WWOX: variants seen among roughly 807,000 people sequenced by gnomAD.
WWOX encodes WW domain containing oxidoreductase.
Under a neutral mutation model 46.2 loss-of-function variants are expected in WWOX, and 69 were observed. The ratio of observed to expected loss-of-function variants is 1.49; its 90% CI spans 1.23 to 1.82. The LOEUF is 1.82. WWOX is among the 40% of genes most tolerant of loss of function. The pLI is 0.00. For missense variants in WWOX, 919 were observed against 542.6 expected (o/e 1.69, Z -6.89); for synonymous variants, 359 against 202.6 (o/e 1.77, Z -6.56).
At chr16:78,127,516 G>GAAAAAAAA (rs35507203) in intron 4 of WWOX, among the ~76,000 whole-genome samples, 1 of 122,368 alleles carries the variant, frequency 8.2e-6, no homozygotes, top group African/African-American at 3.0e-5. Flanking sequence ...ATAATCAACG[G>GAAAAAAAA]AAAAAAAAAA....
At chr16:78,584,501 A>T (rs1364175896) in intron 8 of WWOX, among the ~76,000 whole-genome samples, 1 of 152,222 alleles carries the variant, frequency 6.6e-6, no homozygotes, top group Non-Finnish European at 1.5e-5. Context: ...AAAGACAAGG[A>T]CTGTTCTAAG....
chr16:78,372,181 A>G (rs2081706532), intron 5 of WWOX, among the ~76,000 whole-genome samples: 1 of 152,200 alleles, frequency 6.6e-6, no homozygotes, highest in South Asian at 2.1e-4. Context: ...CATCTGGACA[A>G]CAAGTACCTT....
intron 8 of WWOX, among the ~76,000 whole-genome samples, chr16:78,743,071 A>G (rs2049269234): frequency 6.6e-6 from 1 of 151,756 alleles, no homozygotes; most frequent in African/African-American, 2.4e-5. Flanking sequence ...CAGGAAGTGA[A>G]CCCGATCAGC....
At chr16:78,801,804 G>C (rs78730287) in intron 8 of WWOX, among the ~76,000 whole-genome samples, 1,591 of 152,136 alleles carry the variant, frequency 0.01, 27 homozygotes, top group African/African-American at 0.036. Flanking sequence ...TTTTTTTTAG[G>C]AGATTAAAGC....
intron 6 of WWOX, among the ~76,000 whole-genome samples, chr16:78,388,362 C>G (rs575289156): frequency 1.2e-4 from 18 of 152,094 alleles, no homozygotes; most frequent in Non-Finnish European, 2.1e-4. Context: ...AAAGTTTGCT[C>G]TCAGCTGGGT....
In WWOX at chr16:78,533,411, TAA is replaced by T. The variant is rs11324963; in HGVS notation, c.1056+100672_1056+100673del. 4.4e-3 allele frequency among the ~76,000 whole-genome samples: 643 copies of T among 146,718 alleles called. 1 individual carries two copies. The highest frequency in any genetic ancestry group is 6.9e-3 in the Middle Eastern group (2 of 290). On this transcript the variant is annotated intron_variant, in intron 8 of 8. Coordinates refer to ENST00000566780, the MANE Select transcript of WWOX (RefSeq NM_016373.4). ...ACATAATATACAATTGTTGATGAGCTAAAAAAAAAAAAAATCCCCAAAAAATC... is the reference window on the plus strand; with the variant it reads ...ACATAATATACAATTGTTGATGAGCTAAAAAAAAAAAATCCCCAAAAAATC...
At chr16:78,621,224 T>G (rs74486373) in intron 8 of WWOX, among the ~76,000 whole-genome samples, 5,900 of 152,300 alleles carry the variant, frequency 0.039, 150 homozygotes, top group South Asian at 0.1. Flanking sequence ...AGAATAAGGC[T>G]GCCAAGCTCG....
At chr16:78,620,871 G>T (rs1394468613) in intron 8 of WWOX, among the ~76,000 whole-genome samples, 2 of 151,992 alleles carry the variant, frequency 1.3e-5, no homozygotes, top group African/African-American at 4.8e-5. Flanking sequence ...TCATGTCCAG[G>T]TCACTACGTA....
At chr16:78,967,373 T>G (rs1458645984) in intron 8 of WWOX, among the ~76,000 whole-genome samples, 1 of 124,394 alleles carries the variant, frequency 8.0e-6, no homozygotes, top group Non-Finnish European at 1.6e-5. Flanking sequence ...CACTGCAGCC[T>G]CCCGGGCTCA....
In WWOX at chr16:78,347,336, A is replaced by T. The variant is rs1225462474; in HGVS notation, c.517-39524A>T. ...TCCCAAGATTTCAGTCATCAAATCC[A>T]TTCCAATATGACTCCTGTATCCATA... On this transcript the variant is annotated intron_variant, in intron 5 of 8. Coordinates refer to ENST00000566780, the MANE Select transcript of WWOX (RefSeq NM_016373.4). Among the ~76,000 whole-genome samples the T allele has an allele frequency of 1.7e-5, 2 of 117,104 alleles. 1 individual carries two copies. Among genetic ancestry groups the T allele is most frequent in the African/African-American group, 5.8e-5 (2 of 34,272 alleles). 76.8% of individuals were successfully genotyped at this position (117,104 alleles called of 152,430 possible). A position where few individuals can be genotyped will look rare whatever the true frequency, so the allele number is the denominator to read the frequency against.
chr16:79,202,884 T>G (rs2051389366), intron 8 of WWOX: 1 of 152,210 alleles, frequency 6.6e-6, no homozygotes, highest in Non-Finnish European at 1.5e-5. Flanking sequence ...AGATGAGTAG[T>G]CAGCACATGC....
intron 8 of WWOX, among the ~76,000 whole-genome samples, chr16:78,848,803 T>C (rs1202176994): frequency 1.3e-5 from 2 of 152,012 alleles, no homozygotes; most frequent in African/African-American, 2.4e-5. Context: ...AGACCTTTTT[T>C]TTTTTTAACC....
chr16:78,554,426 C>G (rs980177806), intron 8 of WWOX, among the ~76,000 whole-genome samples: 1 of 152,002 alleles, frequency 6.6e-6, no homozygotes, highest in Non-Finnish European at 1.5e-5. Flanking sequence ...GTTTTAAGCT[C>G]CATACAGTAA....
chr16:79,131,407 A>AG (rs1321363596), intron 8 of WWOX, among the ~76,000 whole-genome samples: 1 of 151,894 alleles, frequency 6.6e-6, no homozygotes, highest in Non-Finnish European at 1.5e-5. Context: ...CCTGATTCGG[A>AG]GGGAAAAAAA....
intron 6 of WWOX, among the ~76,000 whole-genome samples, 167 bp downstream of exon 6, chr16:78,387,115 C>G (rs2082076494): frequency 6.6e-6 from 1 of 152,184 alleles, no homozygotes; most frequent in Non-Finnish European, 1.5e-5. Context: ...TCTTGACTCA[C>G]AGTCACCTTC....
At chr16:78,390,526 A>G (rs563067322) in intron 6 of WWOX, among the ~76,000 whole-genome samples, 137 of 152,316 alleles carry the variant, frequency 9.0e-4, no homozygotes, top group African/African-American at 3.0e-3. Flanking sequence ...TATGTGTCCC[A>G]TGAGAGTACA....
At chr16:79,080,695 AGT>A (rs1459355456) in intron 8 of WWOX, among the ~76,000 whole-genome samples, 2 of 152,190 alleles carry the variant, frequency 1.3e-5, no homozygotes, top group African/African-American at 4.8e-5. Flanking sequence ...AGCCGGGTAC[AGT>A]GGCTCATACC....
At chr16:79,055,673 A>G (rs1269866501) in intron 8 of WWOX, among the ~76,000 whole-genome samples, 1 of 152,232 alleles carries the variant, frequency 6.6e-6, no homozygotes. Flanking sequence ...CTACAGAGCA[A>G]TGAATAACCA....
intron 8 of WWOX, among the ~76,000 whole-genome samples, chr16:78,575,805 G>A (rs1351233136): frequency 6.6e-6 from 1 of 152,200 alleles, no homozygotes; most frequent in African/African-American, 2.4e-5. Context: ...TATAATGCCT[G>A]TCTATACTTT....
Sources: allele counts gnomAD v4.1 joint callset (sites outside exome capture counted in the v4.1 genomes callset), GRCh38; gene constraint gnomAD v4.1.1; transcripts MANE v1.5; gene names NCBI Gene and HGNC (gene_info 2026-07-23, HGNC 2026-07-21).